The following MYRIP variants were observed in gnomAD, a reference collection of about 807,000 sequenced individuals.
MYRIP encodes rab effector MyRIP.
A neutral mutation model predicts 98.0 loss-of-function variants in MYRIP; 49 were observed. The observed-to-expected ratio is 0.50, with a 90% CI of 0.40 to 0.63. MYRIP has a LOEUF of 0.63. Ranked by LOEUF, MYRIP falls within the 30% of genes least tolerant of loss-of-function variation. The probability of loss-of-function intolerance (pLI) is 0.00; values close to 1 mark genes in which losing one functional copy is unlikely to be tolerated. For synonymous variants in MYRIP, 404 were observed against 409.5 expected, an observed-to-expected ratio of 0.99 and a Z score of 0.16; for missense variants, 1,004 against 1,058.2, an observed-to-expected ratio of 0.95 and a Z score of 0.71.
intron 2 of MYRIP, among the ~76,000 whole-genome samples, chr3:39,996,146 A>C (rs141287099): frequency 0.015 from 2,342 of 152,332 alleles, 51 homozygotes; most frequent in African/African-American, 0.052. Flanking sequence ...ATAACCAGCT[A>C]ACATCATAAT....
chr3:40,182,471 T>A, intron 9 of MYRIP, 98 bp downstream of exon 9: 2 of 1,398,044 alleles, frequency 1.4e-6, no homozygotes, highest in African/African-American at 2.9e-5. Context: ...CTTCTTCCCA[T>A]AAGTCTGAAC....
chr3:40,248,916 G>A (rs888704773), intron 13 of MYRIP, among the ~76,000 whole-genome samples: 1 of 152,236 alleles, frequency 6.6e-6, no homozygotes, highest in African/African-American at 2.4e-5. Context: ...TGGGTAGCTT[G>A]TAATTCTCTT....
chr3:40,095,184 C>A (rs1324721582), intron 3 of MYRIP, among the ~76,000 whole-genome samples: 1 of 152,188 alleles, frequency 6.6e-6, no homozygotes, highest in Non-Finnish European at 1.5e-5. Flanking sequence ...TGAAAGCCAG[C>A]TTTCCACTAC....
intron 3 of MYRIP, among the ~76,000 whole-genome samples, chr3:40,125,170 G>A (rs1949498469): frequency 6.6e-6 from 1 of 152,236 alleles, no homozygotes; most frequent in Non-Finnish European, 1.5e-5. Context: ...TCAAATCCCA[G>A]CCCTGCCACT....
At chr3:40,162,638 T>A in intron 4 of MYRIP, 92 bp from the exon 5 acceptor site, 1 of 1,086,590 alleles carries the variant, frequency 9.2e-7, no homozygotes, top group Non-Finnish European at 1.4e-6. Context: ...TGTGTAATAG[T>A]GGTCTGCCAG....
intron 2 of MYRIP, among the ~76,000 whole-genome samples, chr3:39,954,376 C>T (rs1945104500): frequency 6.6e-6 from 1 of 152,088 alleles, no homozygotes; most frequent in Admixed American, 6.5e-5. Context: ...GTTCTGTAGC[C>T]TCCGCTGGGG....
At chr3:40,207,749 C>G (rs1001338151) in intron 10 of MYRIP, among the ~76,000 whole-genome samples, 2 of 152,144 alleles carry the variant, frequency 1.3e-5, no homozygotes, top group African/African-American at 4.8e-5. Context: ...CTTTTTCATC[C>G]TTACTAATAT....
chr3:40,005,766 T>TAA (rs1946619143), intron 2 of MYRIP, among the ~76,000 whole-genome samples: 1 of 152,224 alleles, frequency 6.6e-6, no homozygotes, highest in African/African-American at 2.4e-5. Context: ...ACCATATATA[T>TAA]AATATCATGT....
intron 4 of MYRIP, among the ~76,000 whole-genome samples, chr3:40,151,913 C>A (rs1950130803): frequency 6.6e-6 from 1 of 152,108 alleles, no homozygotes; most frequent in South Asian, 2.1e-4. Context: ...AAACCTCATT[C>A]ATCTTATTTG....
chr3:39,819,662 C>T (rs1941044218), intron 1 of MYRIP, among the ~76,000 whole-genome samples: 1 of 152,170 alleles, frequency 6.6e-6, no homozygotes, highest in East Asian at 1.9e-4. Context: ...TAGTGAGAGG[C>T]AGACCAGAAC....
intron 16 of MYRIP, among the ~76,000 whole-genome samples, chr3:40,256,372 T>C (rs1368527227): frequency 1.3e-5 from 2 of 151,888 alleles, no homozygotes; most frequent in East Asian, 1.9e-4. Context: ...TCAAAGCAAA[T>C]AGGATACATA....
intron 1 of MYRIP, among the ~76,000 whole-genome samples, chr3:39,852,320 C>G (rs975382501): frequency 4.6e-5 from 7 of 152,174 alleles, no homozygotes; most frequent in Non-Finnish European, 8.8e-5. Flanking sequence ...TCTGGTCCCA[C>G]CCAGGCAGGG....
intron 3 of MYRIP, among the ~76,000 whole-genome samples, chr3:40,073,499 T>C (rs1948273367): frequency 1.3e-5 from 2 of 152,234 alleles, no homozygotes; most frequent in South Asian, 4.1e-4. Flanking sequence ...GATTCTGCCT[T>C]ACTCTCTGTT....
intron 10 of MYRIP, among the ~76,000 whole-genome samples, chr3:40,201,279 A>G (rs938221207): frequency 3.3e-5 from 5 of 152,190 alleles, no homozygotes; most frequent in African/African-American, 1.2e-4. Context: ...TTGCCCTTTC[A>G]ACAAATAGCA....
At chr3:39,845,852 C>CAAA (rs3062461) in intron 1 of MYRIP, among the ~76,000 whole-genome samples, 28,393 of 96,260 alleles carry the variant, frequency 0.29, 3,251 homozygotes, top group Middle Eastern at 0.39. Flanking sequence ...TTTCCCCTAC[C>CAAA]AAAAAAAAAA....
At chr3:39,851,106 T>G (rs944323552) in intron 1 of MYRIP, among the ~76,000 whole-genome samples, 14 of 152,202 alleles carry the variant, frequency 9.2e-5, no homozygotes, top group African/African-American at 3.4e-4. Context: ...AACACTGGCC[T>G]TTTTTGTTTG....
chr3:40,210,663 A>C (rs1422204648), intron 11 of MYRIP, among the ~76,000 whole-genome samples: 4 of 152,082 alleles, frequency 2.6e-5, no homozygotes, highest in Non-Finnish European at 5.9e-5. Context: ...CACAGAAAAA[A>C]ATTATTCTTG....
intron 1 of MYRIP, among the ~76,000 whole-genome samples, chr3:39,841,762 A>C (rs965947389): frequency 6.6e-6 from 1 of 152,148 alleles, no homozygotes; most frequent in Non-Finnish European, 1.5e-5. Context: ...TCCAGACCCT[A>C]TTTACCTGGA....
chr3:40,017,679 G>T (rs376286523), intron 2 of MYRIP, among the ~76,000 whole-genome samples: 1 of 139,714 alleles, frequency 7.2e-6, no homozygotes, highest in African/African-American at 2.6e-5. Context: ...AATAAATAAA[G>T]AAATAATTTA....
Sources: allele counts gnomAD v4.1 joint callset (sites outside exome capture counted in the v4.1 genomes callset), GRCh38; gene constraint gnomAD v4.1.1; transcripts MANE v1.5; gene names NCBI Gene and HGNC (gene_info 2026-07-23, HGNC 2026-07-21).